TPR: variants seen among roughly 807,000 people sequenced by gnomAD.
TPR encodes the protein nucleoprotein TPR.
A neutral mutation model predicts 316.1 loss-of-function variants in TPR; 51 were observed. The observed-to-expected ratio is 0.16, with a 90% CI of 0.13 to 0.20. The LOEUF (loss-of-function observed/expected upper bound fraction) is 0.20, where lower values mean the gene tolerates loss of function less well. TPR is among the 10% of genes least tolerant of loss of function. The probability of loss-of-function intolerance (pLI) is 1.00; values close to 1 mark genes in which losing one functional copy is unlikely to be tolerated. For missense variants in TPR, 2,272 were observed against 2,754.8 expected, an observed-to-expected ratio of 0.82 and a Z score of 3.92; for synonymous variants, 981 against 914.7, an observed-to-expected ratio of 1.07 and a Z score of -1.31.
At chr1:186,356,604 T>G in intron 14 of TPR, 155 bp from the exon 15 acceptor site, 1 of 664,700 alleles carries the variant, frequency 1.5e-6, no homozygotes, top group South Asian at 2.5e-5. Flanking sequence ...TATGAACTAC[T>G]TTTTAAATCC....
rs760584435 is a variant in TPR, at chr1:186,331,590, TA to T, written c.5605-10del. 1.7e-4 allele frequency: 275 copies of T among 1,586,294 alleles called. No homozygotes were observed. Among genetic ancestry groups the T allele is most frequent in the Non-Finnish European group, 2.2e-4 (257 of 1,159,282 alleles). Reference sequence around the variant, plus strand: ...TCTGCCATAACTTCTTCCTGTATCATAATACACTAATATATTAACCATATCA... The same window carrying T: ...TCTGCCATAACTTCTTCCTGTATCATATACACTAATATATTAACCATATCA... On this transcript the variant is annotated splice_polypyrimidine_tract_variant and intron_variant, in intron 38 of 50. Coordinates refer to ENST00000367478, the MANE Select transcript of TPR (RefSeq NM_003292.3).
At position 186,347,422 on chromosome 1, in the gene TPR, A is replaced by G; in HGVS notation, c.2813T>C (p.Val938Ala). The change falls in exon 22 of 51, where the codon GTG becomes GCG. Residue 938 changes from valine to alanine, a missense_variant. Val to Ala is a moderately conservative substitution (Grantham distance 64, BLOSUM62 0). This residue lies in a region of TPR where 757 missense variants were observed against 859.8 expected (regional missense o/e 0.88). Transcript: ENST00000367478. ...CTCTTCTGTCTGTCTTAGCTGACTCACAAGATCATCCACATCTTCTTTGTT... is the reference window on the plus strand; with the variant it reads ...CTCTTCTGTCTGTCTTAGCTGACTCGCAAGATCATCCACATCTTCTTTGTT... ...PSNKEDVDDLVSQLRQTEEQV... is the reference protein window; with the variant it reads ...PSNKEDVDDLASQLRQTEEQV... 6.2e-7 allele frequency: 1 copy of G among 1,614,018 alleles called. No homozygotes were observed. Among genetic ancestry groups the G allele is most frequent in the Non-Finnish European group, 8.5e-7 (1 of 1,179,972 alleles).
chr1:186,353,932 C>G, intron 17 of TPR, 82 bp from the exon 18 acceptor site: 2 of 1,283,018 alleles, frequency 1.6e-6, no homozygotes, highest in Non-Finnish European at 2.2e-6. Flanking sequence ...AATAGCTTAA[C>G]CCATTTCCCC....
intron 46 of TPR, 68 bp downstream of exon 46, chr1:186,320,244 A>AATC: frequency 7.6e-7 from 1 of 1,315,754 alleles, no homozygotes; most frequent in Non-Finnish European, 1.0e-6. Context: ...TCCCCCCTTA[A>AATC]ATCACATCTT....
Position 186,359,950 on chromosome 1 carries a change from T to G in TPR, c.1238A>C (p.Lys413Thr), listed in dbSNP as rs1659134485. ...CTTATTAATTCTTTTGTTCTCTAGT[T>G]TCTCCAAAAGCAACTGATCCTGAGT... Reference protein sequence around the residue: ...VETQDQLLLEKLENKRINKYL... With the variant: ...VETQDQLLLETLENKRINKYL... The change falls in exon 12 of 51, where the codon AAA becomes ACA. Residue 413 changes from lysine to threonine, a missense_variant. Physicochemically the swap from Lys to Thr is moderately conservative, Grantham distance 78. Around this residue, in one of 10 missense-constraint regions of TPR, gnomAD observed 549 missense variants for 598.6 expected, o/e 0.92. Coordinates refer to ENST00000367478, the MANE Select transcript of TPR (RefSeq NM_003292.3). 1.2e-6 allele frequency: 2 copies of G among 1,609,194 alleles called. No homozygotes were observed. The highest frequency in any genetic ancestry group is 1.7e-6 in the Non-Finnish European group (2 of 1,178,776).
rs769857097 is a variant in TPR, at chr1:186,347,491, A to AT, written c.2777-34dup. On this transcript the variant is annotated intron_variant, in intron 21 of 50. Transcript: ENST00000367478. ...ACATAACAGCTCTGTTAAAATTAAC[A>AT]TTTTCAATAGTATTAGAGATGACTG... 3.4e-5 allele frequency: 54 copies of AT among 1,604,820 alleles called. No individual in the cohort carries two copies. In the African/African-American group the frequency reaches 6.0e-4, roughly 18 times the overall value.
rs773346124 is a variant in TPR, at chr1:186,337,108, C to T, written c.4411G>A (p.Val1471Ile). Reference protein sequence around the residue: ...QSSGDHQEQHVSVQEMQELKE... With the variant: ...QSSGDHQEQHISVQEMQELKE... ...AGTTCCTGCATTTCCTGGACTGAAACATGCTGCTCCTGATGGTCTCCAGAG... is the reference window on the plus strand; with the variant it reads ...AGTTCCTGCATTTCCTGGACTGAAATATGCTGCTCCTGATGGTCTCCAGAG... Residue 1471 changes from valine to isoleucine, a missense_variant, in exon 32 of 51, where the codon GTT becomes ATT. Around this residue, in one of 10 missense-constraint regions of TPR, gnomAD observed 101 missense variants for 113.0 expected, o/e 0.89. Transcript: ENST00000367478. 6.2e-7 allele frequency: 1 copy of T among 1,613,834 alleles called. No homozygotes were observed. The highest frequency in any genetic ancestry group is 1.7e-5 in the Admixed American group (1 of 59,974).
chr1:186,314,760 A>G (rs762658476), intron 49 of TPR, 36 bp from the exon 50 acceptor site: 1 of 1,394,096 alleles, frequency 7.2e-7, no homozygotes, highest in African/African-American at 1.4e-5. Context: ...AAAGCAAGTG[A>G]AAAAATGAGA....
chr1:186,358,916 T>C (rs1659104483), intron 12 of TPR, among the ~76,000 whole-genome samples: 1 of 152,124 alleles, frequency 6.6e-6, no homozygotes. Context: ...AAGGGCTCTC[T>C]TGCAAACTAC....
chr1:186,362,593 AAC>A (rs1659229230), intron 6 of TPR, among the ~76,000 whole-genome samples: 1 of 152,064 alleles, frequency 6.6e-6, no homozygotes, highest in African/African-American at 2.4e-5. Flanking sequence ...TTCTTAAACA[AAC>A]ACATATTTTA....
At chr1:186,336,882 G>A (rs1297158112) in intron 32 of TPR, 131 bp downstream of exon 32, 6 of 1,422,196 alleles carry the variant, frequency 4.2e-6, no homozygotes, top group Non-Finnish European at 5.8e-6. Flanking sequence ...TTACATACAT[G>A]AGCCATTCAA....
chr1:186,322,231 A>G, intron 45 of TPR, 87 bp downstream of exon 45: 1 of 1,291,562 alleles, frequency 7.7e-7, no homozygotes, highest in Non-Finnish European at 1.1e-6. Context: ...TCAACAAACA[A>G]TGAGTTAACC....
At chr1:186,372,979 T>A (rs963869468) in intron 2 of TPR, among the ~76,000 whole-genome samples, 1 of 152,218 alleles carries the variant, frequency 6.6e-6, no homozygotes, top group East Asian at 1.9e-4. Context: ...TCTACTTCTT[T>A]AGTTGCATAA....
chr1:186,347,622 T>C (rs1193145666), intron 21 of TPR, among the ~76,000 whole-genome samples, 164 bp from the exon 22 acceptor site: 1 of 152,260 alleles, frequency 6.6e-6, no homozygotes, highest in Non-Finnish European at 1.5e-5. Context: ...TACTTTGTTA[T>C]GTTACTTCCT....
chr1:186,356,019 T>G (rs1036305488), intron 15 of TPR, among the ~76,000 whole-genome samples: 2 of 152,184 alleles, frequency 1.3e-5, no homozygotes, highest in African/African-American at 4.8e-5. Context: ...TTAAAACATA[T>G]CTGTTTTGGT....
At chr1:186,366,906 C>T (rs905449599) in intron 4 of TPR, among the ~76,000 whole-genome samples, 3 of 151,672 alleles carry the variant, frequency 2.0e-5, no homozygotes, top group Non-Finnish European at 4.4e-5. Context: ...TTGATCAACA[C>T]ACTCAAGTAT....
intron 43 of TPR, chr1:186,322,850 T>A (rs1657809646): frequency 2.3e-6 from 1 of 426,130 alleles, no homozygotes; most frequent in African/African-American, 2.0e-5. Flanking sequence ...AGATCTATGA[T>A]ACCATCTTGT....
chr1:186,326,996 TAATATATTA>T (rs1381425311), intron 40 of TPR, among the ~76,000 whole-genome samples: 1 of 101,484 alleles, frequency 9.9e-6, no homozygotes, highest in Non-Finnish European at 1.9e-5. Context: ...ATTTAATATA[TAATATATTA>T]AATATATAAT....
intron 3 of TPR, among the ~76,000 whole-genome samples, 191 bp downstream of exon 3, chr1:186,370,779 G>C (rs1313791123): frequency 6.6e-6 from 1 of 152,038 alleles, no homozygotes; most frequent in Non-Finnish European, 1.5e-5. Context: ...TTGAATAAAA[G>C]AGATGTCCAA....
Sources: gnomAD v4.1 joint callset for allele counts (sites outside exome capture counted in the v4.1 genomes callset) on GRCh38, gnomAD v4.1.1 for gene constraint, gnomAD v4.1.1 regional missense constraint, MANE v1.5 for transcripts, NCBI Gene and HGNC (gene_info 2026-07-23, HGNC 2026-07-21) for gene names.